The following FBXW12 variants were observed in gnomAD, a reference collection of about 807,000 sequenced individuals.
FBXW12 encodes F-box and WD repeat domain containing 12.
In FBXW12, 43 loss-of-function variants were observed where a neutral mutation model predicts 55.3. The observed-to-expected ratio is 0.78, with a 90% CI of 0.61 to 1.00. The LOEUF is 1.00. Ranked by LOEUF, FBXW12 falls within the 50% of genes least tolerant of loss-of-function variation. FBXW12 has a pLI of 0.00. For missense variants in FBXW12, 524 were observed against 560.5 expected (o/e 0.93, Z 0.66); for synonymous variants, 184 against 203.8 (o/e 0.90, Z 0.83).
At chr3:48,389,108 T>A (rs2036884717) in intron 10 of FBXW12, among the ~76,000 whole-genome samples, 1 of 152,128 alleles carries the variant, frequency 6.6e-6, no homozygotes, top group Non-Finnish European at 1.5e-5. Context: ...ATAAGTGAGA[T>A]CATCAGGCAT....
intron 1 of FBXW12, 167 bp from the exon 2 acceptor site, chr3:48,372,517 C>T: frequency 1.0e-6 from 1 of 1,003,560 alleles, no homozygotes. Context: ...TGCTGAGCTC[C>T]TCTAAACAAT....
intron 10 of FBXW12, among the ~76,000 whole-genome samples, chr3:48,393,747 G>A (rs1381042528): frequency 6.6e-6 from 1 of 151,746 alleles, no homozygotes; most frequent in Non-Finnish European, 1.5e-5. Context: ...AACATGCTGA[G>A]ACCCCATCTC....
At chr3:48,379,901 G>A in intron 7 of FBXW12, 1 of 246,812 alleles carries the variant, frequency 4.1e-6, no homozygotes, top group Non-Finnish European at 7.9e-6. Context: ...GATCACGTGA[G>A]CCCAGGAGTT....
chr3:48,393,153 G>A (rs1039247145), intron 10 of FBXW12, among the ~76,000 whole-genome samples: 1 of 152,126 alleles, frequency 6.6e-6, no homozygotes, highest in Middle Eastern at 3.4e-3. Flanking sequence ...GCACCACTAT[G>A]CTCAGCTAAT....
At chr3:48,382,862 A>G (rs1389439176) in intron 10 of FBXW12, among the ~76,000 whole-genome samples, 2 of 152,226 alleles carry the variant, frequency 1.3e-5, no homozygotes, top group South Asian at 2.1e-4. Flanking sequence ...TTTTGGCAAC[A>G]TCTAAGAAAA....
intron 10 of FBXW12, among the ~76,000 whole-genome samples, chr3:48,387,163 T>G (rs1245068451): frequency 6.6e-6 from 1 of 152,182 alleles, no homozygotes; most frequent in Non-Finnish European, 1.5e-5. Flanking sequence ...ATAGTTATAG[T>G]ACAACTCAGA....
chr3:48,383,571 A>G (rs2036807735), intron 10 of FBXW12, among the ~76,000 whole-genome samples: 1 of 152,178 alleles, frequency 6.6e-6, no homozygotes, highest in Non-Finnish European at 1.5e-5. Context: ...TTCAAAGAGC[A>G]AGGGTTAACT....
At chr3:48,382,113 C>A in intron 10 of FBXW12, 28 bp downstream of exon 10, 1 of 1,611,966 alleles carries the variant, frequency 6.2e-7, no homozygotes, top group Non-Finnish European at 8.5e-7. Context: ...ATGTAAACAT[C>A]CCCTAAACAA....
intron 10 of FBXW12, among the ~76,000 whole-genome samples, chr3:48,386,448 C>A (rs528106513): frequency 1.1e-4 from 17 of 152,128 alleles, no homozygotes; most frequent in Non-Finnish European, 2.4e-4. Context: ...TTTATTCTTT[C>A]TCAAGATTGC....
chr3:48,392,770 A>C (rs551069143), intron 10 of FBXW12, among the ~76,000 whole-genome samples: 13 of 152,248 alleles, frequency 8.5e-5, no homozygotes, highest in Non-Finnish European at 1.6e-4. Flanking sequence ...AAATCTCTAT[A>C]TCTCTCTAGA....
rs745699979 is a variant in FBXW12 at position 48,382,126 on chromosome 3, T to C, written c.1295+41T>C. ...TGATGTAAACATCCCCTAAACAACT[T>C]TTTTTTTTTGAGACGGAGTCTCCCT... On this transcript the variant is annotated intron_variant, in intron 10 of 10. Transcript: ENST00000296438. The C allele has an allele frequency of 2.0e-4, 311 of 1,589,460 alleles. 1 individual carries two copies. The highest frequency in any genetic ancestry group is 2.4e-4 in the Non-Finnish European group (276 of 1,164,426).
At chr3:48,393,769 AT>A (rs1384091406) in intron 10 of FBXW12, among the ~76,000 whole-genome samples, 14 of 138,058 alleles carry the variant, frequency 1.0e-4, no homozygotes, top group Non-Finnish European at 1.5e-4. Flanking sequence ...ATGAGAAAAT[AT>A]TTTTTTTCTT....
At chr3:48,389,243 C>T (rs977586829) in intron 10 of FBXW12, among the ~76,000 whole-genome samples, 2 of 152,102 alleles carry the variant, frequency 1.3e-5, no homozygotes, top group Non-Finnish European at 2.9e-5. Context: ...TTGTTTTTTA[C>T]TTGAGTTGTT....
chr3:48,375,070 C>A (rs982345726), intron 4 of FBXW12, among the ~76,000 whole-genome samples: 1 of 152,094 alleles, frequency 6.6e-6, no homozygotes, highest in African/African-American at 2.4e-5. Context: ...GACTTGATAA[C>A]TCTTTTAAAA....
At chr3:48,381,554 T>A (rs765546091) in intron 8 of FBXW12, 146 bp from the exon 9 acceptor site, 1 of 851,988 alleles carries the variant, frequency 1.2e-6, no homozygotes, top group Non-Finnish European at 1.7e-6. Flanking sequence ...GCCACTGGAC[T>A]ACCCTTCATT....
intron 10 of FBXW12, among the ~76,000 whole-genome samples, chr3:48,391,728 G>T (rs763779353): frequency 6.6e-6 from 1 of 152,118 alleles, no homozygotes; most frequent in Non-Finnish European, 1.5e-5. Context: ...AGCTTTTTCT[G>T]TGTCTATTGA....
chr3:48,378,296 C>T (rs111846169), intron 5 of FBXW12, 21 bp from the exon 6 acceptor site: 9 of 1,585,476 alleles, frequency 5.7e-6, no homozygotes, highest in East Asian at 4.5e-5. Context: ...GAACACAGGT[C>T]GTGTTACTCT....
chr3:48,372,928 C>A, intron 2 of FBXW12, 71 bp downstream of exon 2: 2 of 1,379,236 alleles, frequency 1.5e-6, no homozygotes, highest in Non-Finnish European at 2.1e-6. Flanking sequence ...CACCACTTTG[C>A]AGAATAGCAG....
intron 7 of FBXW12, chr3:48,379,759 C>A: frequency 1.8e-6 from 1 of 541,292 alleles, no homozygotes; most frequent in Non-Finnish European, 3.3e-6. Flanking sequence ...AAATGTTTAA[C>A]AAAAACTCGT....
Sources: allele counts gnomAD v4.1 joint callset (sites outside exome capture counted in the v4.1 genomes callset), GRCh38; gene constraint gnomAD v4.1.1; transcripts MANE v1.5; gene names NCBI Gene and HGNC (gene_info 2026-07-23, HGNC 2026-07-21).